The following GUCY2C variants were observed in gnomAD, a reference collection of about 807,000 sequenced individuals.
GUCY2C encodes guanylate cyclase 2C.
Under a neutral mutation model 131.1 loss-of-function variants are expected in GUCY2C, and 118 were observed. The observed-to-expected ratio is 0.90, with a 90% CI of 0.78 to 1.05. The LOEUF (loss-of-function observed/expected upper bound fraction) is 1.05, where lower values mean the gene tolerates loss of function less well. GUCY2C is among the 50% of genes least tolerant of loss of function. The pLI is 0.00. For missense variants in GUCY2C, 1,161 were observed against 1,304.4 expected, an observed-to-expected ratio of 0.89 and a Z score of 1.69; for synonymous variants, 452 against 457.8, an observed-to-expected ratio of 0.99 and a Z score of 0.16.
At position 14,683,098 on chromosome 12, in the gene GUCY2C, A is replaced by G; in HGVS notation, c.555T>C (p.Tyr185=). The G allele has an allele frequency of 3.1e-6, 5 of 1,613,828 alleles. No homozygotes were observed. The highest frequency in any genetic ancestry group is 1.1e-5 in the South Asian group (1 of 91,076). The part of the protein sequence containing the change: ...WKTNDLPFKT[Y]SWSTSYVYKN... ...TGTAAACATACGAAGTGCTCCAGGA[A>G]TAAGTTTTGAAGGGCAGATCGTTGG... Residue 185 remains tyrosine (Y), a synonymous_variant, in exon 4 of 27, where the codon TAT becomes TAC. Coordinates refer to ENST00000261170, the MANE Select transcript of GUCY2C (RefSeq NM_004963.4).
chr12:14,634,229 T>C (rs1408440832), intron 19 of GUCY2C, among the ~76,000 whole-genome samples: 2 of 152,128 alleles, frequency 1.3e-5, no homozygotes, highest in Non-Finnish European at 2.9e-5. Context: ...AGGGATGAGG[T>C]AGTCAAAGTG....
intron 10 of GUCY2C, among the ~76,000 whole-genome samples, chr12:14,661,324 A>G (rs1354382817): frequency 1.3e-5 from 2 of 152,182 alleles, no homozygotes; most frequent in Non-Finnish European, 2.9e-5. Flanking sequence ...AGAATCACCA[A>G]ATGTTACACA....
intron 21 of GUCY2C, among the ~76,000 whole-genome samples, chr12:14,624,562 C>T (rs1477805071): frequency 5.3e-5 from 8 of 152,218 alleles, no homozygotes; most frequent in Admixed American, 5.2e-4. Context: ...CTGGTTCCTA[C>T]ATGCAATCTT....
In GUCY2C at chr12:14,621,145, T is replaced by G; in HGVS notation, c.2673A>C (p.Ile891=). The change falls in exon 23 of 27, where the codon ATA becomes ATC. Residue 891 remains isoleucine, a synonymous_variant. Transcript: ENST00000261170. ...TTTCCAAGGCCATCTTGGCAATGTCTATTGCATGCCGATTGCCATTTCTCT... is the reference window on the plus strand; with the variant it reads ...TTTCCAAGGCCATCTTGGCAATGTCGATTGCATGCCGATTGCCATTTCTCT... ...LPKRNGNRHA[I]DIAKMALEIL... 6.2e-7 allele frequency: 1 copy of G among 1,612,886 alleles called. No homozygotes were observed. Among genetic ancestry groups the G allele is most frequent in the Non-Finnish European group, 8.5e-7 (1 of 1,178,896 alleles).
chr12:14,690,171 A>G (rs1948549498), intron 1 of GUCY2C, among the ~76,000 whole-genome samples: 1 of 152,210 alleles, frequency 6.6e-6, no homozygotes, highest in Admixed American at 6.5e-5. Flanking sequence ...TGACTCACAC[A>G]TTTCTCCTCT....
intron 1 of GUCY2C, among the ~76,000 whole-genome samples, chr12:14,688,283 T>TA (rs1948512331): frequency 1.3e-5 from 2 of 151,556 alleles, no homozygotes; most frequent in Admixed American, 6.7e-5. Flanking sequence ...TCTCAACAGT[T>TA]TTATTGAGGT....
intron 19 of GUCY2C, among the ~76,000 whole-genome samples, chr12:14,637,607 A>T (rs1001248844): frequency 2.0e-5 from 3 of 152,220 alleles, no homozygotes; most frequent in African/African-American, 7.2e-5. Context: ...CAAATGGAAC[A>T]GAATAGAGAA....
At chr12:14,660,859 C>T (rs1947853212) in intron 11 of GUCY2C, 122 bp downstream of exon 11, 1 of 697,546 alleles carries the variant, frequency 1.4e-6, no homozygotes, top group Non-Finnish European at 2.6e-6. Context: ...TCTTCATTAT[C>T]TTAGGTCAGT....
intron 12 of GUCY2C, among the ~76,000 whole-genome samples, chr12:14,655,825 G>A (rs1340964507): frequency 6.6e-6 from 1 of 152,166 alleles, no homozygotes; most frequent in East Asian, 1.9e-4. Context: ...ACAGTGCTCA[G>A]GAGAAGATGA....
chr12:14,694,725 C>T lies in GUCY2C; in HGVS notation c.217+1507G>A, dbSNP rs546897238. Among the ~76,000 whole-genome samples, 10 of 152,316 alleles carry T rather than the reference C, an allele frequency of 6.6e-5. No individual in the cohort carries two copies. In the South Asian group the frequency reaches 2.1e-3, roughly 32 times the overall value. On this transcript the variant is annotated intron_variant, in intron 1 of 26. Transcript: ENST00000261170. The stretch of plus-strand genomic sequence containing the variant: ...AGATGTTGTGTGTGCACAGAAGTAA[C>T]TTATTATTCATATCTGAACAGCTGC...
intron 19 of GUCY2C, among the ~76,000 whole-genome samples, chr12:14,638,884 G>A (rs936616386): frequency 6.6e-6 from 1 of 152,202 alleles, no homozygotes; most frequent in African/African-American, 2.4e-5. Context: ...ACATAGAAAT[G>A]ATAACTACTT....
At chr12:14,623,735 G>A (rs1946945404) in intron 21 of GUCY2C, among the ~76,000 whole-genome samples, 1 of 152,120 alleles carries the variant, frequency 6.6e-6, no homozygotes, top group African/African-American at 2.4e-5. Flanking sequence ...CTGTTCCTGT[G>A]TTAGTGAGTT....
In GUCY2C at chr12:14,625,414, G is replaced by A. The variant is rs573342944; in HGVS notation, c.2408+343C>T. ...GCGATCTTGGCTCACTGCAACCTCC[G>A]CATCTTGGGTTCACTCCATTCTCCT... On this transcript the variant is annotated intron_variant, in intron 21 of 26. Coordinates refer to ENST00000261170, the MANE Select transcript of GUCY2C (RefSeq NM_004963.4). Among the ~76,000 whole-genome samples the A allele has an allele frequency of 2.0e-5, 3 of 149,908 alleles. No individual in the cohort carries two copies. In the South Asian group the frequency reaches 6.3e-4, roughly 31 times the overall value.
chr12:14,685,058 T>G (rs1948444574), intron 3 of GUCY2C, among the ~76,000 whole-genome samples: 1 of 152,158 alleles, frequency 6.6e-6, no homozygotes, highest in Non-Finnish European at 1.5e-5. Flanking sequence ...CTTGTCACCT[T>G]CTCTATTTGG....
At chr12:14,665,506 G>C (rs551219575) in intron 10 of GUCY2C, 1 of 152,330 alleles carries the variant, frequency 6.6e-6, no homozygotes, top group Admixed American at 6.5e-5. Flanking sequence ...GTTGCCAATT[G>C]ACATGTTAGC....
At chr12:14,685,411 TC>T (rs1555166067) in intron 3 of GUCY2C, among the ~76,000 whole-genome samples, 2 of 152,126 alleles carry the variant, frequency 1.3e-5, no homozygotes, top group Non-Finnish European at 2.9e-5. Flanking sequence ...CTCTCCAAAA[TC>T]CATTGCAAGT....
chr12:14,682,517 C>A (rs1948368493), intron 4 of GUCY2C, among the ~76,000 whole-genome samples: 1 of 152,166 alleles, frequency 6.6e-6, no homozygotes, highest in Admixed American at 6.5e-5. Context: ...TATAAGTTAC[C>A]CAGTCTCGAG....
rs1947565522 is a variant in GUCY2C, at chr12:14,648,227, T to C, written c.1711-2912A>G. On this transcript the variant is annotated intron_variant, in intron 15 of 26. Coordinates refer to ENST00000261170, the MANE Select transcript of GUCY2C (RefSeq NM_004963.4). The stretch of plus-strand genomic sequence containing the variant: ...CACCCGCCTCTGCCTCCCAAAGTGA[T>C]GGGATTACAGGCATGAGCCACCGCA... Among the ~76,000 whole-genome samples the C allele has an allele frequency of 4.0e-5, 6 of 151,046 alleles. No individual in the cohort carries two copies. The South Asian group carries it at 1.3e-3, about 32-fold the overall frequency.
intron 16 of GUCY2C, among the ~76,000 whole-genome samples, chr12:14,643,972 G>A (rs1227757354): frequency 6.6e-6 from 1 of 152,156 alleles, no homozygotes; most frequent in African/African-American, 2.4e-5. Flanking sequence ...TGTATAATAT[G>A]AGGCAAAGGG....
Sources: allele counts gnomAD v4.1 joint callset (sites outside exome capture counted in the v4.1 genomes callset), GRCh38; gene constraint gnomAD v4.1.1; transcripts MANE v1.5; gene names NCBI Gene and HGNC (gene_info 2026-07-23, HGNC 2026-07-21).